Variants in OPRM1 observed in about 807,000 individuals in gnomAD.
OPRM1 encodes the protein mu-type opioid receptor.
OPRM1 carries 27 observed loss-of-function variants against 31.8 expected under a neutral mutation model. The ratio of observed to expected loss-of-function variants is 0.85; its 90% CI spans 0.63 to 1.17. OPRM1 has a LOEUF of 1.17. Among genes scored for constraint, OPRM1 ranks in the 50% most tolerant of loss-of-function variants. The pLI is 0.00. For missense variants in OPRM1, 536 were observed against 511.1 expected (o/e 1.05, Z -0.47); for synonymous variants, 196 against 189.9 (o/e 1.03, Z -0.26).
At chr6:154,235,986 A>G (rs1780100735) in intron 3 of OPRM1, among the ~76,000 whole-genome samples, 2 of 152,222 alleles carry the variant, frequency 1.3e-5, no homozygotes, top group Admixed American at 1.3e-4. Flanking sequence ...TGCTATGCAA[A>G]ATAGCATGGT....
intron 1 of OPRM1, among the ~76,000 whole-genome samples, chr6:154,055,290 AG>A (rs778893306): frequency 1.3e-5 from 2 of 152,154 alleles, no homozygotes; most frequent in Non-Finnish European, 2.9e-5. Context: ...TGGGAGGCTG[AG>A]GCAGGAGAAT....
At chr6:154,174,965 AAACT>A (rs1430558119) in intron 3 of OPRM1, among the ~76,000 whole-genome samples, 1 of 152,218 alleles carries the variant, frequency 6.6e-6, no homozygotes, top group African/African-American at 2.4e-5. Flanking sequence ...AAATCACAAC[AAACT>A]GTCTCTCAGA....
rs963236737 is a variant in OPRM1, at chr6:154,130,550, T to C, written c.*11829T>C. 6.6e-6 allele frequency among the ~76,000 whole-genome samples: 1 copy of C among 152,098 alleles called. No individual in the cohort carries two copies. The highest frequency in any genetic ancestry group is 1.5e-5 in the Non-Finnish European group (1 of 68,016). Reference sequence around the variant, plus strand: ...AATTTAATACTCCTACCATAAAAATTTCTGTGTTAGGCATAGCTATATGAA... The same window carrying C: ...AATTTAATACTCCTACCATAAAAATCTCTGTGTTAGGCATAGCTATATGAA... On this transcript the variant is annotated 3_prime_UTR_variant, in exon 4 of 4. Transcript: ENST00000330432.
At chr6:154,132,988 G>A (rs1378064770), downstream of OPRM1, among the ~76,000 whole-genome samples, 2 of 152,058 alleles carry the variant, frequency 1.3e-5, no homozygotes, top group Admixed American at 1.3e-4. Flanking sequence ...GGGCATGGTG[G>A]CAGGCACCTG....
At chr6:154,029,581 A>G (rs886791924) in intron 1 of OPRM1, among the ~76,000 whole-genome samples, 6 of 152,244 alleles carry the variant, frequency 3.9e-5, no homozygotes, top group African/African-American at 1.4e-4. Flanking sequence ...GCTATATTAA[A>G]GGATATGTTA....
intron 3 of OPRM1, chr6:154,199,799 T>C (rs1310917525): frequency 1.2e-6 from 2 of 1,614,106 alleles, no homozygotes; most frequent in African/African-American, 2.7e-5. Flanking sequence ...AAAACTGTTT[T>C]CCAGGGCCTT....
At chr6:154,035,313 C>G (rs1016917773), upstream of OPRM1, among the ~76,000 whole-genome samples, 17 of 151,888 alleles carry the variant, frequency 1.1e-4, no homozygotes, top group African/African-American at 4.1e-4. Context: ...CTTTCATTTA[C>G]TTATTTATTT....
intron 1 of OPRM1, among the ~76,000 whole-genome samples, chr6:154,080,697 G>T (rs1184232394): frequency 1.3e-5 from 2 of 152,076 alleles, no homozygotes; most frequent in African/African-American, 4.8e-5. Context: ...GAATCATCTA[G>T]AGTCTGGTGA....
chr6:154,119,895 G>T lies in OPRM1; in HGVS notation c.*1174G>T, dbSNP rs1000974623. Among the ~76,000 whole-genome samples the T allele has an allele frequency of 8.6e-5, 13 of 152,040 alleles. No individual in the cohort carries two copies. Among genetic ancestry groups the T allele is most frequent in the African/African-American group, 2.9e-4 (12 of 41,416 alleles). On this transcript the variant is annotated 3_prime_UTR_variant, in exon 4 of 4. Transcript: ENST00000330432. ...TCATCACCAATATTTTGGTCTTTTT[G>T]ATCTCTGCTAAATGTCAAGATTTCC...
intron 1 of OPRM1, among the ~76,000 whole-genome samples, chr6:154,057,603 C>T (rs968136522): frequency 6.6e-6 from 1 of 152,028 alleles, no homozygotes; most frequent in African/African-American, 2.4e-5. Context: ...AAAAGGCCTG[C>T]GTTCATTTTC....
At chr6:154,234,883 A>G (rs1424147277) in intron 3 of OPRM1, among the ~76,000 whole-genome samples, 1 of 152,236 alleles carries the variant, frequency 6.6e-6, no homozygotes, top group Non-Finnish European at 1.5e-5. Context: ...ATTTAAAAGA[A>G]TTTTGTGTGA....
rs1779962026 is a variant in OPRM1 at position 154,234,498 on chromosome 6, C to G, written c.1165-12195C>G. ...CTAAACCAGGATGCTATTCCCCTTG[C>G]AGAAAACATTCCCTGCCATGAACAG... On this transcript the variant is annotated intron_variant, in intron 3 of 3. Coordinates refer to the OPRM1 transcript ENST00000337049. Among the ~76,000 whole-genome samples the G allele has an allele frequency of 2.6e-5, 4 of 152,192 alleles. 1 individual carries two copies. In the South Asian group the frequency reaches 8.3e-4, roughly 31 times the overall value.
At chr6:154,113,253 TG>T (rs1316223851) in intron 3 of OPRM1, among the ~76,000 whole-genome samples, 2 of 152,192 alleles carry the variant, frequency 1.3e-5, no homozygotes, top group African/African-American at 4.8e-5. Context: ...ACTCTGATGC[TG>T]GGGAACAGTA....
At chr6:154,133,380 C>A (rs1467635740), downstream of OPRM1, among the ~76,000 whole-genome samples, 3 of 152,142 alleles carry the variant, frequency 2.0e-5, no homozygotes, top group Non-Finnish European at 2.9e-5. Flanking sequence ...CCATGGTATT[C>A]AAGGGCCTTC....
In OPRM1 at chr6:154,089,974, T is replaced by A; in HGVS notation, c.439T>A (p.Ser147Thr). The A allele has an allele frequency of 6.2e-7, 1 of 1,614,138 alleles. No homozygotes were observed. Among genetic ancestry groups the A allele is most frequent in the East Asian group, 2.2e-5 (1 of 44,880 alleles). The change falls in exon 2 of 4, where the codon TCC becomes ACC. Residue 147 changes from serine (S) to threonine (T), a missense_variant. Transcript: ENST00000330432. ...AACCATCCTTTGCAAGATAGTGATC[T>A]CCATAGATTACTATAACATGTTCAC... is the stretch of plus-strand genomic sequence containing the variant. Reference protein sequence around the residue: ...FGTILCKIVISIDYYNMFTSI... With the variant: ...FGTILCKIVITIDYYNMFTSI...
upstream of OPRM1, among the ~76,000 whole-genome samples, chr6:154,034,184 C>T (rs1373463195): frequency 3.9e-5 from 6 of 152,170 alleles, no homozygotes; most frequent in Non-Finnish European, 7.3e-5. Context: ...CAAAGAAAAG[C>T]GCATGTTGCC....
intron 3 of OPRM1, among the ~76,000 whole-genome samples, chr6:154,175,689 C>T (rs1474439250): frequency 1.3e-5 from 2 of 151,892 alleles, no homozygotes; most frequent in Non-Finnish European, 2.9e-5. Context: ...AATAGCCTAC[C>T]AACCAAAAAA....
At chr6:154,074,215 T>A (rs1787374612) in intron 1 of OPRM1, 1 of 152,198 alleles carries the variant, frequency 6.6e-6, no homozygotes, top group African/African-American at 2.4e-5. Flanking sequence ...ATCTGTGTCT[T>A]CATTTTTTCA....
intron 3 of OPRM1, among the ~76,000 whole-genome samples, chr6:154,225,643 G>A (rs755068157): frequency 2.0e-5 from 3 of 152,298 alleles, no homozygotes; most frequent in South Asian, 2.1e-4. Flanking sequence ...CTTTTGGGGT[G>A]ATGAAAATGT....
Sources: gnomAD v4.1 joint callset for allele counts (sites outside exome capture counted in the v4.1 genomes callset) on GRCh38, gnomAD v4.1.1 for gene constraint, MANE v1.5 for transcripts, NCBI Gene and HGNC (gene_info 2026-07-23, HGNC 2026-07-21) for gene names.